FHIT: variants seen among roughly 807,000 people sequenced by gnomAD.
FHIT encodes the protein bis(5'-adenosyl)-triphosphatase.
In FHIT, 19 loss-of-function variants were observed where a neutral mutation model predicts 17.9. That is an observed-to-expected ratio of 1.06 (90% CI 0.74 to 1.56). FHIT has a LOEUF of 1.56. FHIT is among the 40% of genes most tolerant of loss of function. The pLI, the probability that FHIT is intolerant of heterozygous loss-of-function variation, is 0.00. For missense variants in FHIT, 248 were observed against 189.2 expected, an observed-to-expected ratio of 1.31 and a Z score of -1.82; for synonymous variants, 81 against 69.7, an observed-to-expected ratio of 1.16 and a Z score of -0.81.
chr3:61,112,949 G>A lies in FHIT; in HGVS notation c.-163-70850C>T, dbSNP rs184602596. Among the ~76,000 whole-genome samples, 3 of 152,196 alleles carry A rather than the reference G, an allele frequency of 2.0e-5. No individual in the cohort carries two copies. The East Asian group carries it at 5.8e-4, about 29-fold the overall frequency. On this transcript the variant is annotated intron_variant, in intron 2 of 9. Transcript: ENST00000492590. ...TTGGAACTAACTATGGAACAAGATG[G>A]CTGTGTTTAGATGTCTTCATTCATG...
intron 5 of FHIT, among the ~76,000 whole-genome samples, chr3:60,485,854 G>A (rs747782225): frequency 3.3e-5 from 5 of 151,916 alleles, no homozygotes; most frequent in South Asian, 2.1e-4. Context: ...AAGGACCCAC[G>A]GATTGTTCAT....
chr3:60,601,020 G>A (rs2038428469), intron 4 of FHIT, among the ~76,000 whole-genome samples: 1 of 152,150 alleles, frequency 6.6e-6, no homozygotes, highest in Non-Finnish European at 1.5e-5. Flanking sequence ...CACAGCAGCA[G>A]TTCACAGCAG....
At chr3:60,743,297 ATTG>A (rs1325608689) in intron 4 of FHIT, among the ~76,000 whole-genome samples, 10 of 152,204 alleles carry the variant, frequency 6.6e-5, no homozygotes, top group African/African-American at 2.4e-4. Flanking sequence ...TGATCTAATT[ATTG>A]TTGTACTTTA....
In FHIT at chr3:60,546,947, G is replaced by A. The variant is rs140111821; in HGVS notation, c.-17-9968C>T. 2.4e-3 allele frequency among the ~76,000 whole-genome samples: 362 copies of A among 152,064 alleles called. 1 individual carries two copies. Among genetic ancestry groups the A allele is most frequent in the African/African-American group, 7.9e-3 (327 of 41,462 alleles). Reference sequence around the variant, plus strand: ...AAAATCCTCCCCATATATGCTGCTAGTACACCTATTTCTTCAAGTTTTAAT... The same window carrying A: ...AAAATCCTCCCCATATATGCTGCTAATACACCTATTTCTTCAAGTTTTAAT... On this transcript the variant is annotated intron_variant, in intron 4 of 9. Transcript: ENST00000492590.
In FHIT at chr3:60,023,409, G is replaced by A. The variant is rs115986054; in HGVS notation, c.104-9257C>T. On this transcript the variant is annotated intron_variant, in intron 5 of 9. Transcript: ENST00000492590. Reference sequence around the variant, plus strand: ...CCCTGAGCACATACCTCCATAGGGTGGCTAGAGTGAAACCTGGGGCCCAAA... The same window carrying A: ...CCCTGAGCACATACCTCCATAGGGTAGCTAGAGTGAAACCTGGGGCCCAAA... Among the ~76,000 whole-genome samples, 473 of 152,302 alleles carry A rather than the reference G, an allele frequency of 3.1e-3. 1 individual carries two copies. Among genetic ancestry groups the A allele is most frequent in the African/African-American group, 0.011 (459 of 41,564 alleles).
intron 5 of FHIT, among the ~76,000 whole-genome samples, chr3:60,183,998 GT>G (rs11302357): frequency 0.45 from 66,385 of 146,398 alleles, 15,852 homozygotes; most frequent in East Asian, 0.91. Flanking sequence ...TTTATTTTTC[GT>G]TTTTTTTTTT....
intron 4 of FHIT, among the ~76,000 whole-genome samples, chr3:60,646,231 A>G (rs1307255854): frequency 1.3e-5 from 2 of 152,252 alleles, no homozygotes; most frequent in Non-Finnish European, 2.9e-5. Context: ...CCTACTGGTT[A>G]TAACCTGAAA....
At chr3:60,850,353 C>CTT (rs1332324644) in intron 3 of FHIT, among the ~76,000 whole-genome samples, 17 of 126,652 alleles carry the variant, frequency 1.3e-4, no homozygotes, top group Admixed American at 1.6e-4. Flanking sequence ...CTCTCTCTCT[C>CTT]TCTCTCTCTC....
At chr3:60,861,215 T>TATC (rs1553752441) in intron 3 of FHIT, among the ~76,000 whole-genome samples, 9 of 70,902 alleles carry the variant, frequency 1.3e-4, no homozygotes, top group African/African-American at 7.7e-4. Flanking sequence ...ATATATGATA[T>TATC]ATATGATATA....
chr3:61,226,199 G>C (rs2039966843), intron 1 of FHIT, among the ~76,000 whole-genome samples: 1 of 152,164 alleles, frequency 6.6e-6, no homozygotes. Context: ...AGGCGCTGAG[G>C]GGTGGTAATG....
At chr3:60,457,020 G>T (rs1045527360) in intron 5 of FHIT, among the ~76,000 whole-genome samples, 9 of 152,138 alleles carry the variant, frequency 5.9e-5, no homozygotes, top group Middle Eastern at 3.2e-3. Flanking sequence ...GTAATTTATA[G>T]ATTCAATGCC....
chr3:60,632,175 G>A (rs149665879), intron 4 of FHIT, among the ~76,000 whole-genome samples: 2 of 151,978 alleles, frequency 1.3e-5, no homozygotes, highest in African/African-American at 4.8e-5. Context: ...ACATCTTCAG[G>A]GGCTGACTAA....
chr3:60,232,179 T>G (rs369858105), intron 5 of FHIT, among the ~76,000 whole-genome samples: 1 of 152,174 alleles, frequency 6.6e-6, no homozygotes, highest in African/African-American at 2.4e-5. Context: ...AACACTCTCA[T>G]TTTTCAAGTC....
intron 3 of FHIT, among the ~76,000 whole-genome samples, chr3:60,926,632 T>C (rs543279054): frequency 2.5e-4 from 38 of 152,150 alleles, no homozygotes; most frequent in African/African-American, 9.2e-4. Context: ...CACTCTAACA[T>C]CACAATTAAA....
chr3:60,067,513 C>T (rs1702568460), intron 5 of FHIT, among the ~76,000 whole-genome samples: 2 of 152,062 alleles, frequency 1.3e-5, no homozygotes, highest in Admixed American at 6.5e-5. Flanking sequence ...TTCCTCCTTA[C>T]ATGATGTACA....
chr3:61,053,026 T>C (rs2034083172), intron 2 of FHIT, among the ~76,000 whole-genome samples: 1 of 152,162 alleles, frequency 6.6e-6, no homozygotes, highest in South Asian at 2.1e-4. Flanking sequence ...TGTGAAACTT[T>C]GAAATATGTT....
In FHIT at chr3:61,054,960, G is replaced by T. The variant is rs556013871; in HGVS notation, c.-163-12861C>A. 2.0e-5 allele frequency among the ~76,000 whole-genome samples: 3 copies of T among 152,210 alleles called. No individual in the cohort carries two copies. The South Asian group carries it at 6.2e-4, about 32-fold the overall frequency. On this transcript the variant is annotated intron_variant, in intron 2 of 9. Transcript: ENST00000492590. ...CCTGGTTAGGGCCCACTCATCCTTG[G>T]GGTTTCAGTTCAACGTTATACCTCA...
At chr3:61,089,606 CAT>C (rs1213106398) in intron 2 of FHIT, among the ~76,000 whole-genome samples, 1 of 151,982 alleles carries the variant, frequency 6.6e-6, no homozygotes, top group Non-Finnish European at 1.5e-5. Context: ...GTTTGAAACA[CAT>C]AAAAGAAATA....
chr3:60,459,088 T>C (rs752588083), intron 5 of FHIT, among the ~76,000 whole-genome samples: 46 of 152,160 alleles, frequency 3.0e-4, no homozygotes, highest in Non-Finnish European at 5.4e-4. Flanking sequence ...AGCCCATTTT[T>C]ATCGTTGGTG....
Sources: gnomAD v4.1 joint callset for allele counts (sites outside exome capture counted in the v4.1 genomes callset) on GRCh38, gnomAD v4.1.1 for gene constraint, MANE v1.5 for transcripts, NCBI Gene and HGNC (gene_info 2026-07-23, HGNC 2026-07-21) for gene names.